The following HS3ST3B1 variants were observed in gnomAD, a reference collection of about 807,000 sequenced individuals.
The protein encoded by HS3ST3B1 is heparan sulfate-glucosamine 3-sulfotransferase 3B1.
Under a neutral mutation model 21.3 loss-of-function variants are expected in HS3ST3B1, and 13 were observed. That is an observed-to-expected ratio of 0.61 (90% CI 0.40 to 0.97). HS3ST3B1 has a LOEUF of 0.97. Ranked by LOEUF, HS3ST3B1 falls within the 50% of genes least tolerant of loss-of-function variation. The pLI, the probability that HS3ST3B1 is intolerant of heterozygous loss-of-function variation, is 0.00. For synonymous variants in HS3ST3B1, 234 were observed against 254.8 expected (o/e 0.92, Z 0.78); for missense variants, 459 against 554.8 (o/e 0.83, Z 1.73).
chr17:14,335,993 G>C (rs958071015), intron 1 of HS3ST3B1, among the ~76,000 whole-genome samples: 1 of 152,154 alleles, frequency 6.6e-6, no homozygotes, highest in South Asian at 2.1e-4. Flanking sequence ...TTTAAAAAAC[G>C]AGAAAGAGTC....
chr17:14,301,728 C>G lies in HS3ST3B1; in HGVS notation c.210C>G (p.Ala70=), dbSNP rs757426733. 3 of 1,600,250 alleles carry G rather than the reference C, an allele frequency of 1.9e-6. No homozygotes were observed. Among genetic ancestry groups the G allele is most frequent in the East Asian group, 2.2e-5 (1 of 44,490 alleles). ...TGCTCCTGGGCTCTGGGTCCCGCGC[C>G]GCACACGACCCGCCAGCCCTGGCCA... ...GLLLLGSGSR[A]AHDPPALATA... Residue 70 remains alanine, a synonymous_variant, in exon 1 of 2, where the codon GCC becomes GCG. Transcript: ENST00000360954.
rs146924961 is a variant in HS3ST3B1, at chr17:14,314,161, T to C, written c.554+12089T>C. On this transcript the variant is annotated intron_variant, in intron 1 of 1. Coordinates refer to ENST00000360954, the MANE Select transcript of HS3ST3B1 (RefSeq NM_006041.3). The stretch of plus-strand genomic sequence containing the variant: ...GGCCCGGCTCATTTTGTATTATTAG[T>C]AGAGACAGGGTTTCTCCATGTTGGT... 1.9e-3 allele frequency among the ~76,000 whole-genome samples: 283 copies of C among 151,958 alleles called. 1 individual carries two copies. Among genetic ancestry groups the C allele is most frequent in the African/African-American group, 6.5e-3 (271 of 41,420 alleles).
Position 14,301,558 on chromosome 17 carries a change from G to A in HS3ST3B1, c.40G>A (p.Val14Ile). Residue 14 changes from valine to isoleucine, a missense_variant, in exon 1 of 2, where the codon GTC (valine) becomes ATC (isoleucine). By Grantham distance (29) the Val-to-Ile change is conservative. Transcript: ENST00000360954. ...GAGTGGCGGCAGATCTTGCCTCGAT[G>A]TCCCCGGCCGGCTCCTACCGCAGCC... ...RLSGGRSCLD[V>I]PGRLLPQPPP... The A allele has an allele frequency of 6.3e-7, 1 of 1,588,932 alleles. No homozygotes were observed. Among genetic ancestry groups the A allele is most frequent in the Non-Finnish European group, 8.5e-7 (1 of 1,174,996 alleles).
At position 14,301,263 on chromosome 17, in the gene HS3ST3B1, C is replaced by A. The variant is rs1363993371; in HGVS notation, c.-256C>A. On this transcript the variant is annotated 5_prime_UTR_variant, in exon 1 of 2. Transcript: ENST00000360954. ...CGCGCCCCGGGAGCAGACCCTCGCC[C>A]AGCAGTTACCGCCGTCCCGACTTTC... 1.4e-5 allele frequency: 7 copies of A among 491,670 alleles called. No homozygotes were observed. The highest frequency in any genetic ancestry group is 4.1e-5 in the Admixed American group (1 of 24,214). The allele number at this position is 491,670 out of a possible 1,614,324, so 30.5% of individuals were successfully genotyped here. A position where few individuals can be genotyped will look rare whatever the true frequency, so the allele number is the denominator to read the frequency against.
intron 1 of HS3ST3B1, among the ~76,000 whole-genome samples, chr17:14,319,738 A>G (rs1370387281): frequency 6.6e-6 from 1 of 152,076 alleles, no homozygotes; most frequent in African/African-American, 2.4e-5. Context: ...GTGGGAGAGG[A>G]TGATGGGAGA....
At chr17:14,327,021 G>C (rs550314756) in intron 1 of HS3ST3B1, among the ~76,000 whole-genome samples, 1 of 151,176 alleles carries the variant, frequency 6.6e-6, no homozygotes, top group Non-Finnish European at 1.5e-5. Flanking sequence ...TCATTTTCGA[G>C]TCAAGTGTAT....
At chr17:14,329,674 G>A (rs567020821) in intron 1 of HS3ST3B1, among the ~76,000 whole-genome samples, 25 of 152,300 alleles carry the variant, frequency 1.6e-4, no homozygotes, top group African/African-American at 5.5e-4. Context: ...AGGAGACTCA[G>A]TTTTTCTTTG....
chr17:14,302,082 C>T lies in HS3ST3B1; in HGVS notation c.554+10C>T. 2 of 1,588,980 alleles carry T rather than the reference C, an allele frequency of 1.3e-6. No individual in the cohort carries two copies. Among genetic ancestry groups the T allele is most frequent in the Non-Finnish European group, 1.7e-6 (2 of 1,172,938 alleles). ...GCCTCGCTTGGTACCGGTGAGTTTCCCTGCCAGGGGCAGGGTCTCCATCGT... is the reference window on the plus strand; with the variant it reads ...GCCTCGCTTGGTACCGGTGAGTTTCTCTGCCAGGGGCAGGGTCTCCATCGT... On this transcript the variant is annotated intron_variant, in intron 1 of 1. Coordinates refer to ENST00000360954, the MANE Select transcript of HS3ST3B1 (RefSeq NM_006041.3).
In HS3ST3B1 at chr17:14,337,535, G is replaced by A. The variant is rs1242500080; in HGVS notation, c.555-7493G>A. ...GTATTTTTAGTAGAGACTGGGTTTC[G>A]TCATGTTGGCCAGGCTGGTCTTGAA... On this transcript the variant is annotated intron_variant, in intron 1 of 1. Transcript: ENST00000360954. Among the ~76,000 whole-genome samples, 5 of 146,710 alleles carry A rather than the reference G, an allele frequency of 3.4e-5. No homozygotes were observed. In the East Asian group the frequency reaches 5.9e-4, roughly 17 times the overall value.
intron 1 of HS3ST3B1, among the ~76,000 whole-genome samples, chr17:14,312,301 GA>G (rs1388174487): frequency 1.3e-5 from 2 of 152,144 alleles, no homozygotes; most frequent in African/African-American, 4.8e-5. Context: ...ACCTAAGGAA[GA>G]AGGGAACGAC....
At chr17:14,306,302 A>G (rs1209157499) in intron 1 of HS3ST3B1, among the ~76,000 whole-genome samples, 1 of 152,186 alleles carries the variant, frequency 6.6e-6, no homozygotes, top group African/African-American at 2.4e-5. Flanking sequence ...CATGGCAAAA[A>G]ATCCCTCAAG....
At chr17:14,317,007 C>T (rs759158072) in intron 1 of HS3ST3B1, among the ~76,000 whole-genome samples, 2 of 152,208 alleles carry the variant, frequency 1.3e-5, no homozygotes, top group African/African-American at 2.4e-5. Flanking sequence ...CTGCATGGAT[C>T]GCCTGCTCAC....
At chr17:14,314,483 A>G (rs927208695) in intron 1 of HS3ST3B1, among the ~76,000 whole-genome samples, 1 of 152,176 alleles carries the variant, frequency 6.6e-6, no homozygotes, top group African/African-American at 2.4e-5. Context: ...GACAACCACT[A>G]TCTCACCTTC....
intron 1 of HS3ST3B1, 97 bp from the exon 2 acceptor site, chr17:14,344,931 A>G (rs1910502417): frequency 6.8e-7 from 1 of 1,481,114 alleles, no homozygotes; most frequent in Admixed American, 2.4e-5. Flanking sequence ...CTGCTTCCAG[A>G]AATAAGAGGG....
At chr17:14,337,567 G>T (rs1910225985) in intron 1 of HS3ST3B1, among the ~76,000 whole-genome samples, 1 of 150,892 alleles carries the variant, frequency 6.6e-6, no homozygotes, top group Non-Finnish European at 1.5e-5. Flanking sequence ...TGAACTCCTG[G>T]CCTCAGGTAA....
At chr17:14,326,921 CAAAA>C (rs60800866) in intron 1 of HS3ST3B1, among the ~76,000 whole-genome samples, 52 of 60,462 alleles carry the variant, frequency 8.6e-4, no homozygotes, top group African/African-American at 2.4e-3. Flanking sequence ...AACTCTGTCT[CAAAA>C]AAAAAAAAAA....
chr17:14,317,375 G>A (rs1448190510), intron 1 of HS3ST3B1, among the ~76,000 whole-genome samples: 1 of 152,204 alleles, frequency 6.6e-6, no homozygotes, highest in Non-Finnish European at 1.5e-5. Flanking sequence ...AATGGGTCAG[G>A]TGGTAGGCAG....
intron 1 of HS3ST3B1, among the ~76,000 whole-genome samples, chr17:14,313,469 G>A (rs1248823805): frequency 1.3e-5 from 2 of 152,114 alleles, no homozygotes; most frequent in Non-Finnish European, 2.9e-5. Context: ...TACACAAAAG[G>A]AGAAACCTCA....
chr17:14,335,974 A>G (rs1028644497), intron 1 of HS3ST3B1, among the ~76,000 whole-genome samples: 1 of 152,242 alleles, frequency 6.6e-6, no homozygotes, highest in African/African-American at 2.4e-5. Flanking sequence ...ATCTAAGTTA[A>G]ACAGTAAGTT....
Sources: gnomAD v4.1 joint callset for allele counts (sites outside exome capture counted in the v4.1 genomes callset) on GRCh38, gnomAD v4.1.1 for gene constraint, MANE v1.5 for transcripts, NCBI Gene and HGNC (gene_info 2026-07-23, HGNC 2026-07-21) for gene names.